The following HAVCR1 variants were observed in gnomAD, a reference collection of about 807,000 sequenced individuals.
HAVCR1 encodes hepatitis A virus cellular receptor 1, also known as T cell immunoglobin domain and mucin domain protein 1.
Under a neutral mutation model 32.0 loss-of-function variants are expected in HAVCR1, and 34 were observed. The observed-to-expected ratio is 1.06, with a 90% CI of 0.81 to 1.42. HAVCR1 has a LOEUF of 1.42. HAVCR1 is among the 40% of genes most tolerant of loss of function. The pLI, the probability that HAVCR1 is intolerant of heterozygous loss-of-function variation, is 0.00. For missense variants in HAVCR1, 420 were observed against 442.3 expected (o/e 0.95, Z 0.45); for synonymous variants, 178 against 170.3 (o/e 1.05, Z -0.35).
rs1756064150 is a variant in HAVCR1 at position 157,055,399 on chromosome 5, T to C, written c.181A>G (p.Ile61Val). The C allele has an allele frequency of 6.2e-7, 1 of 1,613,732 alleles. No homozygotes were observed. The highest frequency in any genetic ancestry group is 8.5e-7 in the Non-Finnish European group (1 of 1,179,600). The change falls in exon 3 of 9, where the codon ATT becomes GTT. Residue 61 changes from isoleucine (I) to valine (V), a missense_variant. By Grantham distance (29) the Ile-to-Val change is conservative. Coordinates refer to ENST00000523175, the MANE Select transcript of HAVCR1 (RefSeq NM_001173393.3). ...SCSLFTCQNGIVWTNGTHVTY... is the reference protein window; with the variant it reads ...SCSLFTCQNGVVWTNGTHVTY... ...ACGTGGGTTCCATTGGTCCAGACAA[T>C]GCCATTTTGGCATGTGAATAGAGAA...
At chr5:157,042,316 C>T (rs1754951966) in intron 6 of HAVCR1, among the ~76,000 whole-genome samples, 1 of 151,890 alleles carries the variant, frequency 6.6e-6, no homozygotes, top group African/African-American at 2.4e-5. Context: ...GTGGCGGGCG[C>T]CTGTAGTCCC....
At chr5:157,055,784 G>A (rs1756094170) in intron 2 of HAVCR1, among the ~76,000 whole-genome samples, 1 of 151,778 alleles carries the variant, frequency 6.6e-6, no homozygotes, top group South Asian at 2.1e-4. Flanking sequence ...AGAAGTGCTT[G>A]AACCTGGGAG....
At chr5:157,032,673 C>G (rs188671432) in intron 8 of HAVCR1, among the ~76,000 whole-genome samples, 181 bp downstream of exon 8, 1 of 152,242 alleles carries the variant, frequency 6.6e-6, no homozygotes, top group East Asian at 1.9e-4. Context: ...TGCCACAACT[C>G]CAGGGAAATA....
upstream of HAVCR1, among the ~76,000 whole-genome samples, chr5:157,062,128 T>C (rs1193709294): frequency 1.3e-5 from 2 of 152,114 alleles, no homozygotes; most frequent in African/African-American, 2.4e-5. Flanking sequence ...GAAGTGACAA[T>C]ACTTGGGCAC....
chr5:157,037,898 C>T (rs1190882681), intron 6 of HAVCR1, among the ~76,000 whole-genome samples: 1 of 151,990 alleles, frequency 6.6e-6, no homozygotes, highest in Non-Finnish European at 1.5e-5. Flanking sequence ...CCTGTAATCC[C>T]AGCTACTTGG....
intron 2 of HAVCR1, among the ~76,000 whole-genome samples, chr5:157,057,427 GAAAGAAAGA>G (rs1561606145): frequency 6.8e-6 from 1 of 146,086 alleles, no homozygotes; most frequent in Non-Finnish European, 1.5e-5. Context: ...AAGAAAGAAA[GAAAGAAAGA>G]AAGAAAGAAA....
intron 7 of HAVCR1, among the ~76,000 whole-genome samples, chr5:157,036,430 G>T (rs947428862): frequency 6.6e-6 from 1 of 152,182 alleles, no homozygotes; most frequent in Non-Finnish European, 1.5e-5. Flanking sequence ...AGTGAGCCAC[G>T]ATCGTGCCAT....
intron 2 of HAVCR1, among the ~76,000 whole-genome samples, chr5:157,057,417 A>T (rs1342699254): frequency 6.9e-6 from 1 of 143,996 alleles, no homozygotes; most frequent in Non-Finnish European, 1.5e-5. Context: ...GAAAGAAAGA[A>T]AGAAAGAAAG....
At chr5:157,044,075 T>C (rs1414508650) in intron 5 of HAVCR1, among the ~76,000 whole-genome samples, 3 of 152,086 alleles carry the variant, frequency 2.0e-5, no homozygotes, top group African/African-American at 7.2e-5. Flanking sequence ...CTCATGCCTG[T>C]AATCCCAGCA....
intron 2 of HAVCR1, among the ~76,000 whole-genome samples, chr5:157,055,939 TTTAA>T (rs1325825711): frequency 6.6e-6 from 1 of 152,062 alleles, no homozygotes; most frequent in Non-Finnish European, 1.5e-5. Flanking sequence ...TTATTCATTT[TTTAA>T]TTGTTTATTT....
At chr5:157,036,196 C>T (rs754300867) in intron 7 of HAVCR1, among the ~76,000 whole-genome samples, 9 of 151,726 alleles carry the variant, frequency 5.9e-5, no homozygotes, top group Non-Finnish European at 8.8e-5. Flanking sequence ...TACAAAAATT[C>T]GGCCGGGCGT....
At chr5:157,043,658 A>G (rs1755055421) in intron 5 of HAVCR1, among the ~76,000 whole-genome samples, 1 of 152,152 alleles carries the variant, frequency 6.6e-6, no homozygotes, top group Non-Finnish European at 1.5e-5. Flanking sequence ...ACAGAGTGAG[A>G]CCCTGTCCCC....
At chr5:157,034,720 C>G (rs555158514) in intron 7 of HAVCR1, among the ~76,000 whole-genome samples, 1 of 152,020 alleles carries the variant, frequency 6.6e-6, no homozygotes, top group African/African-American at 2.4e-5. Context: ...CCTGGGTACT[C>G]GAGACTGGAG....
At position 157,044,676 on chromosome 5, in the gene HAVCR1, A is replaced by AGAAAGAAAGAAG. The variant is rs142603344; in HGVS notation, c.782-1995_782-1994insCTTCTTTCTTTC. 3.2e-4 allele frequency among the ~76,000 whole-genome samples: 35 copies of AGAAAGAAAGAAG among 109,538 alleles called. 1 individual carries two copies. Among genetic ancestry groups the AGAAAGAAAGAAG allele is most frequent in the African/African-American group, 1.0e-3 (32 of 31,864 alleles). 71.9% of individuals were successfully genotyped at this position (109,538 alleles called of 152,430 possible). On this transcript the variant is annotated intron_variant, in intron 5 of 8. Transcript: ENST00000523175. ...AAGAAAGAAAGAAAGAAAGAAAGAA[A>AGAAAGAAAGAAG]GGAGGGAGGGAGGAAGGAAGGAAGG...
chr5:157,040,040 T>C (rs1436667538), intron 6 of HAVCR1, among the ~76,000 whole-genome samples: 2 of 152,160 alleles, frequency 1.3e-5, no homozygotes, highest in Non-Finnish European at 2.9e-5. Context: ...CTCACGTCTG[T>C]GGAATCCCAG....
intron 2 of HAVCR1, among the ~76,000 whole-genome samples, chr5:157,057,461 A>G (rs984296988): frequency 7.7e-6 from 1 of 129,742 alleles, no homozygotes; most frequent in Non-Finnish European, 1.7e-5. Context: ...GAAAGAAAGA[A>G]AGAGAATTGA....
intron 5 of HAVCR1, among the ~76,000 whole-genome samples, chr5:157,048,698 C>T (rs1384644590): frequency 1.3e-5 from 2 of 152,042 alleles, no homozygotes; most frequent in Admixed American, 1.3e-4. Flanking sequence ...GGCGTGGTGG[C>T]GGGCGCCTGT....
At position 157,052,413 on chromosome 5, in the gene HAVCR1, A is replaced by T. The variant is rs1553317; in HGVS notation, c.621T>A (p.Thr207=). Residue 207 remains threonine (T), a synonymous_variant, in exon 4 of 9, where the codon ACT becomes ACA. Coordinates refer to ENST00000523175, the MANE Select transcript of HAVCR1 (RefSeq NM_001173393.3). ...PTTTSVPVTT[T]VSTFVPPMPL... ...GCATTGGAGGAACAAAGGTAGAGACAGTTGTTGTCACTGGAACACTTGTTG... is the reference window on the plus strand; with the variant it reads ...GCATTGGAGGAACAAAGGTAGAGACTGTTGTTGTCACTGGAACACTTGTTG... 25 of 1,614,050 alleles carry T rather than the reference A, an allele frequency of 1.5e-5. No homozygotes were observed. Among genetic ancestry groups the T allele is most frequent in the East Asian group, 4.5e-5 (2 of 44,880 alleles).
chr5:157,054,189 T>C (rs1270316231), intron 3 of HAVCR1, among the ~76,000 whole-genome samples: 2 of 55,056 alleles, frequency 3.6e-5, no homozygotes, highest in Admixed American at 2.7e-4. Flanking sequence ...AGACTCCATC[T>C]CAAAAAAAAA....
Sources: gnomAD v4.1 joint callset for allele counts (sites outside exome capture counted in the v4.1 genomes callset) on GRCh38, gnomAD v4.1.1 for gene constraint, MANE v1.5 for transcripts, NCBI Gene and HGNC (gene_info 2026-07-23, HGNC 2026-07-21) for gene names.